The following CHD6 variants were observed in gnomAD, a reference collection of about 807,000 sequenced individuals.
CHD6 encodes ATP-dependent chromatin remodeler CHD6.
A neutral mutation model predicts 276.9 loss-of-function variants in CHD6; 50 were observed. The ratio of observed to expected loss-of-function variants is 0.18; its 90% confidence interval spans 0.14 to 0.23. The LOEUF is 0.23. Ranked by LOEUF, CHD6 falls within the 10% of genes least tolerant of loss-of-function variation. The pLI, the probability that CHD6 is intolerant of heterozygous loss-of-function variation, is 1.00. For missense variants in CHD6, 2,564 were observed against 3,365.8 expected, an observed-to-expected ratio of 0.76 and a Z score of 5.89; for synonymous variants, 1,173 against 1,229.3, an observed-to-expected ratio of 0.95 and a Z score of 0.96.
chr20:41,440,629 C>T (rs2047871735), intron 25 of CHD6, among the ~76,000 whole-genome samples: 1 of 152,202 alleles, frequency 6.6e-6, no homozygotes, highest in Non-Finnish European at 1.5e-5. Flanking sequence ...CAGTACAAAT[C>T]TTAATCCACA....
At chr20:41,499,741 A>G (rs1036928608) in intron 5 of CHD6, among the ~76,000 whole-genome samples, 14 of 152,210 alleles carry the variant, frequency 9.2e-5, no homozygotes, top group Non-Finnish European at 1.3e-4. Context: ...TCTACCAGCT[A>G]TTGACTTTAG....
chr20:41,474,863 G>T (rs560566781), intron 16 of CHD6, among the ~76,000 whole-genome samples: 1 of 152,236 alleles, frequency 6.6e-6, no homozygotes, highest in South Asian at 2.1e-4. Context: ...ATAAAGCAAA[G>T]AAACAAGTCT....
At chr20:41,407,528 A>AT (rs2046715876) in intron 36 of CHD6, among the ~76,000 whole-genome samples, 1 of 152,238 alleles carries the variant, frequency 6.6e-6, no homozygotes, top group Admixed American at 6.5e-5. Context: ...TTTTAACTTT[A>AT]ATTTGGCAGC....
At chr20:41,549,691 A>G (rs983198791) in intron 2 of CHD6, among the ~76,000 whole-genome samples, 3 of 152,064 alleles carry the variant, frequency 2.0e-5, no homozygotes, top group Admixed American at 2.0e-4. Flanking sequence ...TAAAAAAAAA[A>G]GCTTATCTTA....
At chr20:41,414,943 T>C in intron 34 of CHD6, 1 of 1,361,122 alleles carries the variant, frequency 7.3e-7, no homozygotes, top group Non-Finnish European at 9.4e-7. Context: ...GGGTTGTTCC[T>C]ATTTGAAATG....
chr20:41,413,148 A>C (rs1187358942), intron 35 of CHD6, among the ~76,000 whole-genome samples, 176 bp downstream of exon 35: 2 of 152,212 alleles, frequency 1.3e-5, no homozygotes, highest in African/African-American at 4.8e-5. Flanking sequence ...TTACTGAAGA[A>C]TTTAATCAAA....
rs1334155656 is a variant in CHD6, at chr20:41,483,446, G to A, written c.2331C>T (p.Ala777=). Residue 777 remains alanine, a synonymous_variant, in exon 16 of 37, where the codon GCC becomes GCT. Transcript: ENST00000373233. ...CAAGCTTTCCTGCTGCCTGAATCAT[G>A]GCCTGCAGCTGAAAGTCAGGGGCAT... ...SPDAPDFQLQ[A]MIQAAGKLVL... The A allele has an allele frequency of 3.7e-6, 6 of 1,613,584 alleles. No homozygotes were observed. The highest frequency in any genetic ancestry group is 5.1e-6 in the Non-Finnish European group (6 of 1,179,840).
At chr20:41,560,980 T>C (rs1408789227) in intron 1 of CHD6, among the ~76,000 whole-genome samples, 6 of 152,222 alleles carry the variant, frequency 3.9e-5, no homozygotes, top group Non-Finnish European at 7.3e-5. Flanking sequence ...AGATTTTCTT[T>C]TCGATTTTAG....
At chr20:41,477,111 T>G (rs1235505694) in intron 16 of CHD6, among the ~76,000 whole-genome samples, 1 of 152,100 alleles carries the variant, frequency 6.6e-6, no homozygotes, top group East Asian at 1.9e-4. Flanking sequence ...TGGTGGCCAA[T>G]GTGCCTATCG....
intron 1 of CHD6, among the ~76,000 whole-genome samples, chr20:41,574,391 C>G (rs181357655): frequency 1.3e-5 from 2 of 152,140 alleles, no homozygotes; most frequent in Admixed American, 6.5e-5. Context: ...ATAAATATAC[C>G]AGGTTCCTAG....
Position 41,404,424 on chromosome 20 carries a change from A to AAGCTCTGG in CHD6, c.*168_*169insCCAGAGCT. The AAGCTCTGG allele has an allele frequency of 7.6e-7, 1 of 1,316,902 alleles. No individual in the cohort carries two copies. The highest frequency in any genetic ancestry group is 9.7e-7 in the Non-Finnish European group (1 of 1,035,072). The allele number at this position is 1,316,902 out of a possible 1,614,324, so 81.6% of individuals were successfully genotyped here. ...ACAACACTTATCTAATGAAGTGGTGAGACCCTGCAACTATTAACATCTGTT... is the reference window on the plus strand; with the variant it reads ...ACAACACTTATCTAATGAAGTGGTGAAGCTCTGGGACCCTGCAACTATTAACATCTGTT... On this transcript the variant is annotated 3_prime_UTR_variant, in exon 37 of 37. Coordinates refer to ENST00000373233, the MANE Select transcript of CHD6 (RefSeq NM_032221.5).
intron 1 of CHD6, among the ~76,000 whole-genome samples, chr20:41,577,531 CA>C (rs1215592953): frequency 1.3e-5 from 2 of 152,202 alleles, no homozygotes; most frequent in Non-Finnish European, 2.9e-5. Context: ...AAAGGTTATA[CA>C]TTAAGAAGGA....
At chr20:41,616,908 T>TA (rs2045938915) in intron 1 of CHD6, among the ~76,000 whole-genome samples, 1 of 152,078 alleles carries the variant, frequency 6.6e-6, no homozygotes. Flanking sequence ...AGACCCCCAA[T>TA]AAGTTACACA....
intron 14 of CHD6, chr20:41,486,297 C>G (rs1265507709): frequency 6.6e-6 from 1 of 152,158 alleles, no homozygotes; most frequent in East Asian, 1.9e-4. Context: ...ACAAACACAA[C>G]TTGGGAGAAG....
At chr20:41,442,627 C>G (rs1006111180) in intron 25 of CHD6, among the ~76,000 whole-genome samples, 1 of 152,186 alleles carries the variant, frequency 6.6e-6, no homozygotes, top group Non-Finnish European at 1.5e-5. Flanking sequence ...CTGAAAATGG[C>G]TAAGTATCAC....
intron 5 of CHD6, among the ~76,000 whole-genome samples, chr20:41,508,311 T>C (rs991942728): frequency 2.6e-5 from 4 of 152,106 alleles, no homozygotes; most frequent in African/African-American, 9.7e-5. Context: ...ACAGGTAGTG[T>C]GTAGCCACAT....
intron 1 of CHD6, among the ~76,000 whole-genome samples, chr20:41,555,350 CCGGG>C (rs2045214129): frequency 7.0e-6 from 1 of 142,426 alleles, no homozygotes; most frequent in Non-Finnish European, 1.5e-5. Flanking sequence ...GGGCGGCCGG[CCGGG>C]CGGGGGGCCG....
At chr20:41,530,125 C>T (rs1431043538) in intron 3 of CHD6, among the ~76,000 whole-genome samples, 2 of 152,184 alleles carry the variant, frequency 1.3e-5, no homozygotes, top group African/African-American at 4.8e-5. Context: ...AGAGTAACAG[C>T]AAGTCTGATG....
intron 14 of CHD6, 61 bp downstream of exon 14, chr20:41,487,604 C>T (rs1184542436): frequency 3.3e-6 from 5 of 1,508,568 alleles, no homozygotes; most frequent in Middle Eastern, 1.8e-4. Flanking sequence ...TAGCATCCTG[C>T]TCTTTTCTTG....
Sources: gnomAD v4.1 joint callset for allele counts (sites outside exome capture counted in the v4.1 genomes callset) on GRCh38, gnomAD v4.1.1 for gene constraint, MANE v1.5 for transcripts, NCBI Gene and HGNC (gene_info 2026-07-23, HGNC 2026-07-21) for gene names.